Variants in ZKSCAN7 observed in about 807,000 individuals in gnomAD.
The protein encoded by ZKSCAN7 is zinc finger protein with KRAB and SCAN domains 7.
A neutral mutation model predicts 65.3 loss-of-function variants in ZKSCAN7; 38 were observed. That is an observed-to-expected ratio of 0.58 (90% CI 0.45 to 0.76). The LOEUF (loss-of-function observed/expected upper bound fraction) is 0.76, where lower values mean the gene tolerates loss of function less well. Among genes scored for constraint, ZKSCAN7 ranks in the 30% least tolerant of loss-of-function variants. ZKSCAN7 has a pLI of 0.00. For missense variants in ZKSCAN7, 815 were observed against 913.3 expected (o/e 0.89, Z 1.39); for synonymous variants, 321 against 321.0 (o/e 1.00, Z 0.00).
intron 4 of ZKSCAN7, 108 bp from the exon 5 acceptor site, chr3:44,568,199 C>T: frequency 6.5e-7 from 1 of 1,550,362 alleles, no homozygotes; most frequent in East Asian, 2.3e-5. Flanking sequence ...GCTCCTCTCT[C>T]CCATACTTTT....
chr3:44,570,822 G>A lies in ZKSCAN7; in HGVS notation c.1712G>A (p.Ser571Asn), dbSNP rs573149561. 1.9e-6 allele frequency: 3 copies of A among 1,614,202 alleles called. No homozygotes were observed. Among genetic ancestry groups the A allele is most frequent in the South Asian group, 1.1e-5 (1 of 91,088 alleles). Reference protein sequence around the residue: ...SRSKCLIRHQSLHTGEKPYKC... With the variant: ...SRSKCLIRHQNLHTGEKPYKC... ...AGTAAATGTCTTATTCGACATCAGAGCCTCCATACTGGGGAAAAGCCATAC... is the reference window on the plus strand; with the variant it reads ...AGTAAATGTCTTATTCGACATCAGAACCTCCATACTGGGGAAAAGCCATAC... Residue 571 changes from serine to asparagine, a missense_variant, in exon 6 of 6, where the codon AGC (serine) becomes AAC (asparagine). By Grantham distance (46) the Ser-to-Asn change is conservative. Around this residue, in one of 3 missense-constraint regions of ZKSCAN7, gnomAD observed 578 missense variants for 629.5 expected, o/e 0.92. Coordinates refer to ENST00000426540, the MANE Select transcript of ZKSCAN7 (RefSeq NM_001288590.2).
At chr3:44,557,584 G>A in intron 2 of ZKSCAN7, 114 bp downstream of exon 2, 1 of 1,465,978 alleles carries the variant, frequency 6.8e-7, no homozygotes. Flanking sequence ...TAGGGTTGCT[G>A]AACTTGTCCT....
chr3:44,582,825 C>T (rs910170025), intron 5 of ZKSCAN7: 1 of 324,500 alleles, frequency 3.1e-6, no homozygotes, highest in East Asian at 1.3e-4. Context: ...ATGAATGGCC[C>T]CACCCACCCA....
chr3:44,571,890 C>A lies in ZKSCAN7; in HGVS notation c.*515C>A. 2.0e-6 allele frequency: 2 copies of A among 986,768 alleles called. No individual in the cohort carries two copies. The highest frequency in any genetic ancestry group is 2.4e-6 in the Non-Finnish European group (2 of 830,776). 61.1% of individuals were successfully genotyped at this position (986,768 alleles called of 1,614,324 possible). A position where few individuals can be genotyped will look rare whatever the true frequency, so the allele number is the denominator to read the frequency against. On this transcript the variant is annotated 3_prime_UTR_variant, in exon 6 of 6. Transcript: ENST00000426540. The stretch of plus-strand genomic sequence containing the variant: ...TCTGTTTGCTAATCTTTGTCCCTCA[C>A]AATTTTTGAAATCCATCTCATCACT...
intron 4 of ZKSCAN7, 123 bp from the exon 5 acceptor site, chr3:44,568,184 T>C: frequency 6.5e-7 from 1 of 1,540,104 alleles, no homozygotes; most frequent in Non-Finnish European, 8.8e-7. Context: ...CGAGGTGTCA[T>C]CTCAGCTCCT....
chr3:44,569,824 T>C, intron 5 of ZKSCAN7, 98 bp from the exon 6 acceptor site: 1 of 1,441,688 alleles, frequency 6.9e-7, no homozygotes, highest in Non-Finnish European at 9.1e-7. Flanking sequence ...TTCTTAACCA[T>C]AATGTGACTT....
chr3:44,571,770 T>C lies in ZKSCAN7; in HGVS notation c.*395T>C. On this transcript the variant is annotated 3_prime_UTR_variant, in exon 6 of 6. Coordinates refer to ENST00000426540, the MANE Select transcript of ZKSCAN7 (RefSeq NM_001288590.2). ...TCATTCAAAAAGGCTGATTCATGCC[T>C]TCCTGCCTCTTGGCTATGGCCCTCC... 5 of 1,022,022 alleles carry C rather than the reference T, an allele frequency of 4.9e-6. No homozygotes were observed. The highest frequency in any genetic ancestry group is 5.9e-6 in the Non-Finnish European group (5 of 851,512). The allele number at this position is 1,022,022 out of a possible 1,614,324, so 63.3% of individuals were successfully genotyped here. A position where few individuals can be genotyped will look rare whatever the true frequency, so the allele number is the denominator to read the frequency against.
chr3:44,580,024 T>G, intron 5 of ZKSCAN7: 6 of 1,580,768 alleles, frequency 3.8e-6, no homozygotes, highest in Non-Finnish European at 5.2e-6. Flanking sequence ...AACGCCCTTT[T>G]CTCGCTGCGG....
chr3:44,566,642 A>AT (rs1433980317), intron 3 of ZKSCAN7, among the ~76,000 whole-genome samples: 5 of 151,754 alleles, frequency 3.3e-5, no homozygotes, highest in South Asian at 2.1e-4. Flanking sequence ...TTATTTATTT[A>AT]TTTTTTTTAA....
downstream of ZKSCAN7, chr3:44,572,270 G>A (rs1336339401): frequency 8.2e-6 from 8 of 971,268 alleles, no homozygotes; most frequent in Non-Finnish European, 9.8e-6. Flanking sequence ...CACATACAGA[G>A]GTCTTACTGA....
chr3:44,572,849 C>CAAAAAAAAAAAAAAAAAAAAAAAAAAA (rs11339297), downstream of ZKSCAN7, among the ~76,000 whole-genome samples: 42 of 72,412 alleles, frequency 5.8e-4, no homozygotes, highest in Non-Finnish European at 7.7e-4. Context: ...GACTCTGTCT[C>CAAAAAAAAAAAAAAAAAAAAAAAAAAA]AAAAAAAAAA....
intron 5 of ZKSCAN7, among the ~76,000 whole-genome samples, chr3:44,581,237 G>T (rs939615270): frequency 6.8e-6 from 1 of 147,636 alleles, no homozygotes; most frequent in African/African-American, 2.4e-5. Context: ...CGCCCGCACC[G>T]CCGCCGCCCA....
downstream of ZKSCAN7, among the ~76,000 whole-genome samples, chr3:44,576,212 G>A (rs1699921178): frequency 6.6e-6 from 1 of 152,104 alleles, no homozygotes; most frequent in Non-Finnish European, 1.5e-5. Context: ...GTTACACCTA[G>A]TATTCTGTAA....
At chr3:44,572,849 C>CAAAAAAA (rs11339297), downstream of ZKSCAN7, among the ~76,000 whole-genome samples, 91 of 72,390 alleles carry the variant, frequency 1.3e-3, 2 homozygotes, top group Non-Finnish European at 1.5e-3. Context: ...GACTCTGTCT[C>CAAAAAAA]AAAAAAAAAA....
chr3:44,572,256 A>C, downstream of ZKSCAN7: 5 of 981,242 alleles, frequency 5.1e-6, no homozygotes, highest in Non-Finnish European at 3.6e-6. Flanking sequence ...TCATCATAGA[A>C]TATCACATAC....
At chr3:44,576,443 T>A (rs1699925217), downstream of ZKSCAN7, among the ~76,000 whole-genome samples, 1 of 148,314 alleles carries the variant, frequency 6.7e-6, no homozygotes, top group Non-Finnish European at 1.5e-5. Context: ...TTCCCTTCAG[T>A]TTTTTTTTTA....
Position 44,565,476 on chromosome 3 carries a change from C to A in ZKSCAN7, c.424-11C>A. Reference sequence around the variant, plus strand: ...GCTCTTTTGAACCCAATTGTATTTCCCTCTCTCTAGGTTTCAGCCCCAGCA... The same window carrying A: ...GCTCTTTTGAACCCAATTGTATTTCACTCTCTCTAGGTTTCAGCCCCAGCA... On this transcript the variant is annotated splice_polypyrimidine_tract_variant and intron_variant, in intron 2 of 5. Transcript: ENST00000426540. 1.3e-6 allele frequency: 2 copies of A among 1,592,450 alleles called. No homozygotes were observed. The highest frequency in any genetic ancestry group is 1.7e-6 in the Non-Finnish European group (2 of 1,169,616).
At position 44,571,057 on chromosome 3, in the gene ZKSCAN7, CCTT is replaced by C. The variant is rs754912071; in HGVS notation, c.1948_1950del (p.Leu650del). On this transcript the variant is annotated inframe_deletion, in exon 6 of 6. Coordinates refer to ENST00000426540, the MANE Select transcript of ZKSCAN7 (RefSeq NM_001288590.2). ...GAAAATCCTTCAATCAAAACTCACACCTTATTATACACCAGAGAATTCACACTG... is the reference window on the plus strand; with the variant it reads ...GAAAATCCTTCAATCAAAACTCACACATTATACACCAGAGAATTCACACTG... 1.2e-6 allele frequency: 2 copies of C among 1,614,088 alleles called. No individual in the cohort carries two copies. Among genetic ancestry groups the C allele is most frequent in the Non-Finnish European group, 1.7e-6 (2 of 1,180,026 alleles).
Position 44,571,652 on chromosome 3 carries a change from T to C in ZKSCAN7, c.*277T>C. ...TAAAATCTATTTCATTTCTTAGTTA[T>C]GCATCTCATAATCAGACTCCATGCT... is the stretch of plus-strand genomic sequence containing the variant. On this transcript the variant is annotated 3_prime_UTR_variant, in exon 6 of 6. Coordinates refer to ENST00000426540, the MANE Select transcript of ZKSCAN7 (RefSeq NM_001288590.2). 1 of 1,274,600 alleles carries C rather than the reference T, an allele frequency of 7.8e-7. No individual in the cohort carries two copies. 79.0% of individuals were successfully genotyped at this position (1,274,600 alleles called of 1,614,324 possible).
Sources: allele counts gnomAD v4.1 joint callset (sites outside exome capture counted in the v4.1 genomes callset), GRCh38; gene constraint gnomAD v4.1.1; regional missense constraint gnomAD v4.1.1; transcripts MANE v1.5; gene names NCBI Gene and HGNC (gene_info 2026-07-23, HGNC 2026-07-21).